The following TAFA1 variants were observed in gnomAD, a reference collection of about 807,000 sequenced individuals.
TAFA1 encodes TAFA chemokine like family member 1.
Under a neutral mutation model 18.5 loss-of-function variants are expected in TAFA1, and 4 were observed. That is an observed-to-expected ratio of 0.22 (90% CI 0.11 to 0.49). The LOEUF is 0.49. Among genes scored for constraint, TAFA1 ranks in the 20% least tolerant of loss-of-function variants. The probability of loss-of-function intolerance (pLI) is 0.98; values close to 1 mark genes in which losing one functional copy is unlikely to be tolerated. For missense variants in TAFA1, 147 were observed against 169.0 expected (o/e 0.87, Z 0.72); for synonymous variants, 56 against 55.2 (o/e 1.01, Z -0.06).
intron 3 of TAFA1, among the ~76,000 whole-genome samples, chr3:68,532,818 A>G (rs2073210003): frequency 6.6e-6 from 1 of 151,738 alleles, no homozygotes; most frequent in Non-Finnish European, 1.5e-5. Context: ...TTTTTTTTAA[A>G]TTGCAGAAAT....
At chr3:68,035,068 G>A (rs2106662034) in intron 2 of TAFA1, among the ~76,000 whole-genome samples, 1 of 152,156 alleles carries the variant, frequency 6.6e-6, no homozygotes, top group East Asian at 1.9e-4. Context: ...ACTTTACCAT[G>A]TCACCACTTT....
intron 2 of TAFA1, among the ~76,000 whole-genome samples, chr3:68,121,601 T>C (rs1318526173): frequency 1.3e-5 from 2 of 152,208 alleles, no homozygotes; most frequent in South Asian, 2.1e-4. Flanking sequence ...ATTCTCATCA[T>C]GTCCCTAATT....
intron 2 of TAFA1, chr3:68,145,501 G>A (rs1559536962): frequency 2.1e-6 from 2 of 969,358 alleles, no homozygotes; most frequent in Non-Finnish European, 3.4e-6. Flanking sequence ...TGCCCAGAAA[G>A]CCAGTTGCAG....
rs1252344607 is a variant in TAFA1 at position 68,077,064 on chromosome 3, G to A, written c.118+70320G>A. 2.5e-3 allele frequency among the ~76,000 whole-genome samples: 361 copies of A among 144,728 alleles called. 4 individuals are homozygous for A. Among genetic ancestry groups the A allele is most frequent in the African/African-American group, 8.7e-3 (342 of 39,294 alleles). The allele number at this position is 144,728 out of a possible 152,430, so 94.9% of individuals were successfully genotyped here. On this transcript the variant is annotated intron_variant, in intron 2 of 4. Coordinates refer to ENST00000478136, the MANE Select transcript of TAFA1 (RefSeq NM_213609.4). ...TGCATTTCTCTGATGGCCAGTGATGGTGAGCATTTTTTCATGTGTTTTTTG... is the reference window on the plus strand; with the variant it reads ...TGCATTTCTCTGATGGCCAGTGATGATGAGCATTTTTTCATGTGTTTTTTG...
At chr3:68,285,417 G>A (rs943358087) in intron 2 of TAFA1, among the ~76,000 whole-genome samples, 14 of 151,908 alleles carry the variant, frequency 9.2e-5, no homozygotes, top group African/African-American at 3.4e-4. Flanking sequence ...TTTACTATAT[G>A]TGCATATATG....
intron 2 of TAFA1, among the ~76,000 whole-genome samples, chr3:68,397,576 G>A (rs1333784755): frequency 6.6e-6 from 1 of 152,112 alleles, no homozygotes; most frequent in Non-Finnish European, 1.5e-5. Flanking sequence ...ATGGACATTT[G>A]GGTTGTTTGC....
intron 3 of TAFA1, among the ~76,000 whole-genome samples, chr3:68,464,732 C>T (rs538587862): frequency 1.2e-4 from 19 of 152,084 alleles, no homozygotes; most frequent in Non-Finnish European, 2.2e-4. Context: ...TAGCCAATGC[C>T]TGCTGTTGGA....
At chr3:68,431,800 T>G (rs1295284840) in intron 3 of TAFA1, among the ~76,000 whole-genome samples, 1 of 151,904 alleles carries the variant, frequency 6.6e-6, no homozygotes, top group East Asian at 1.9e-4. Flanking sequence ...AGGAAGAAGT[T>G]TTTTATTTGG....
intron 2 of TAFA1, among the ~76,000 whole-genome samples, chr3:68,141,516 C>T (rs1466975445): frequency 6.6e-6 from 1 of 152,212 alleles, no homozygotes; most frequent in Admixed American, 6.5e-5. Flanking sequence ...CTCCTCTGCC[C>T]TTACAATCTA....
intron 2 of TAFA1, among the ~76,000 whole-genome samples, chr3:68,301,510 G>A (rs1166939516): frequency 1.3e-5 from 2 of 152,092 alleles, no homozygotes; most frequent in African/African-American, 2.4e-5. Flanking sequence ...CTCAAAAGAA[G>A]GTGTCCAAAT....
At chr3:68,304,002 G>A (rs1465762762) in intron 2 of TAFA1, among the ~76,000 whole-genome samples, 2 of 152,118 alleles carry the variant, frequency 1.3e-5, no homozygotes, top group African/African-American at 4.8e-5. Context: ...CATTACATTA[G>A]TGGAAATTGA....
At chr3:68,338,918 A>G (rs1043431946) in intron 2 of TAFA1, among the ~76,000 whole-genome samples, 4 of 152,316 alleles carry the variant, frequency 2.6e-5, no homozygotes, top group East Asian at 1.9e-4. Context: ...GTACAGGCCA[A>G]GTTTTTCCTT....
intron 2 of TAFA1, among the ~76,000 whole-genome samples, chr3:68,041,735 C>T (rs1398876723): frequency 6.6e-6 from 1 of 152,166 alleles, no homozygotes; most frequent in East Asian, 1.9e-4. Flanking sequence ...CCACTATAAA[C>T]CAGAGTTTTC....
intron 2 of TAFA1, among the ~76,000 whole-genome samples, chr3:68,175,634 G>C (rs901731065): frequency 1.3e-5 from 2 of 152,158 alleles, no homozygotes; most frequent in African/African-American, 4.8e-5. Flanking sequence ...CTGTTTACCT[G>C]CTGTATCTAG....
intron 2 of TAFA1, among the ~76,000 whole-genome samples, chr3:68,316,726 A>G (rs574061232): frequency 6.6e-6 from 1 of 152,328 alleles, no homozygotes; most frequent in Admixed American, 6.5e-5. Context: ...CATGCCAGAC[A>G]TACAACAGTG....
In TAFA1 at chr3:68,375,339, A is replaced by G. The variant is rs184225096; in HGVS notation, c.119-41941A>G. On this transcript the variant is annotated intron_variant, in intron 2 of 4. Coordinates refer to ENST00000478136, the MANE Select transcript of TAFA1 (RefSeq NM_213609.4). Reference sequence around the variant, plus strand: ...TACCATGCAACTAAGTTTTAAACCTATTTTGATTCAAACGAAGTTGATTAA... The same window carrying G: ...TACCATGCAACTAAGTTTTAAACCTGTTTTGATTCAAACGAAGTTGATTAA... Among the ~76,000 whole-genome samples, 343 of 152,274 alleles carry G rather than the reference A, an allele frequency of 2.3e-3. 6 individuals carry two copies. Among genetic ancestry groups the G allele is most frequent in the Admixed American group, 0.02 (305 of 15,290 alleles).
At position 68,054,609 on chromosome 3, in the gene TAFA1, C is replaced by G. The variant is rs111394615; in HGVS notation, c.118+47865C>G. Among the ~76,000 whole-genome samples, 204 of 152,322 alleles carry G rather than the reference C, an allele frequency of 1.3e-3. 2 individuals carry two copies. The highest frequency in any genetic ancestry group is 4.6e-3 in the African/African-American group (190 of 41,570). On this transcript the variant is annotated intron_variant, in intron 2 of 4. Transcript: ENST00000478136. ...TTGTGAATAAAGTTTTCTTGAGACA[C>G]AGGTACACTCATTCATTACATATTG...
chr3:68,379,466 A>G (rs748102626), intron 2 of TAFA1, among the ~76,000 whole-genome samples: 9 of 152,244 alleles, frequency 5.9e-5, no homozygotes, highest in Admixed American at 4.6e-4. Flanking sequence ...TGTTGATACT[A>G]TCTTTTGCTG....
intron 2 of TAFA1, among the ~76,000 whole-genome samples, chr3:68,321,229 G>A (rs558218427): frequency 3.5e-4 from 53 of 152,216 alleles, no homozygotes; most frequent in Non-Finnish European, 6.0e-4. Flanking sequence ...CCTGGCACAT[G>A]GGAAACCCTC....
Sources: allele counts gnomAD v4.1 joint callset (sites outside exome capture counted in the v4.1 genomes callset), GRCh38; gene constraint gnomAD v4.1.1; transcripts MANE v1.5; gene names NCBI Gene and HGNC (gene_info 2026-07-23, HGNC 2026-07-21).